UFSP2: variants seen among roughly 807,000 people sequenced by gnomAD.
The protein encoded by UFSP2 is UFM1 specific peptidase 2, also known as ufm1-specific protease 2.
UFSP2 carries 43 observed loss-of-function variants against 60.2 expected under a neutral mutation model. The ratio of observed to expected loss-of-function variants is 0.71; its 90% CI spans 0.56 to 0.92. The LOEUF is 0.92. Among genes scored for constraint, UFSP2 ranks in the 40% least tolerant of loss-of-function variants. UFSP2 has a pLI of 0.00. For missense variants in UFSP2, 520 were observed against 575.0 expected, an observed-to-expected ratio of 0.90 and a Z score of 0.98; for synonymous variants, 183 against 195.1, an observed-to-expected ratio of 0.94 and a Z score of 0.52.
At chr4:185,415,512 T>G (rs1414790703) in intron 5 of UFSP2, among the ~76,000 whole-genome samples, 165 bp from the exon 6 acceptor site, 1 of 152,228 alleles carries the variant, frequency 6.6e-6, no homozygotes. Flanking sequence ...ATTTGCTCTT[T>G]GTGGATAAAG....
At chr4:185,418,047 A>AAC (rs56260529) in intron 4 of UFSP2, among the ~76,000 whole-genome samples, 3 of 143,062 alleles carry the variant, frequency 2.1e-5, no homozygotes, top group East Asian at 2.0e-4. Context: ...TCCATCTCAA[A>AAC]ACACACACAC....
Position 185,422,188 on chromosome 4 carries a change from C to T in UFSP2, c.82+297G>A, listed in dbSNP as rs574020657. ...CAAGTCTGTCATGTACAATTCTCGA[C>T]GCACATTTACAACGTGCTCATTGTG... On this transcript the variant is annotated intron_variant, in intron 2 of 11. Coordinates refer to ENST00000264689, the MANE Select transcript of UFSP2 (RefSeq NM_018359.5). Among the ~76,000 whole-genome samples, 7 of 152,308 alleles carry T rather than the reference C, an allele frequency of 4.6e-5. No individual in the cohort carries two copies. In the South Asian group the frequency reaches 8.3e-4, roughly 18 times the overall value.
chr4:185,400,557 G>A (rs2095512094), intron 11 of UFSP2, 79 bp from the exon 12 acceptor site: 15 of 1,044,874 alleles, frequency 1.4e-5, no homozygotes, highest in Non-Finnish European at 2.2e-5. Flanking sequence ...ATCAGGCTCT[G>A]TCAGCAGGAC....
intron 9 of UFSP2, 157 bp from the exon 10 acceptor site, chr4:185,406,013 T>G: frequency 6.8e-7 from 1 of 1,464,234 alleles, no homozygotes; most frequent in South Asian, 1.2e-5. Context: ...TGAGAGCAAT[T>G]AAACTGTGCA....
intron 7 of UFSP2, among the ~76,000 whole-genome samples, chr4:185,412,802 GGCT>G (rs1438500028): frequency 1.3e-5 from 2 of 151,952 alleles, no homozygotes; most frequent in Non-Finnish European, 2.9e-5. Context: ...CTAGTCACAG[GGCT>G]GCTGTTTCTA....
chr4:185,413,682 C>T (rs1290831739), intron 7 of UFSP2, 44 bp downstream of exon 7: 2 of 1,559,932 alleles, frequency 1.3e-6, no homozygotes, highest in South Asian at 2.4e-5. Flanking sequence ...CAACTAATAA[C>T]ATTACTGATC....
intron 1 of UFSP2, 107 bp downstream of exon 1, chr4:185,425,759 T>C (rs1288813952): frequency 9.9e-6 from 15 of 1,517,750 alleles, no homozygotes; most frequent in Non-Finnish European, 1.3e-5. Context: ...GCTGCCATCT[T>C]GGACCCCGGC....
intron 4 of UFSP2, 94 bp from the exon 5 acceptor site, chr4:185,415,961 TAAG>T: frequency 8.9e-7 from 1 of 1,124,980 alleles, no homozygotes. Context: ...TATTTATTAT[TAAG>T]AAAAAAATTT....
intron 1 of UFSP2, among the ~76,000 whole-genome samples, chr4:185,425,550 T>A (rs904644131): frequency 6.6e-6 from 1 of 152,174 alleles, no homozygotes; most frequent in Non-Finnish European, 1.5e-5. Flanking sequence ...CGAAGAAAGT[T>A]GCGCCTGTCC....
intron 2 of UFSP2, 62 bp from the exon 3 acceptor site, chr4:185,418,832 A>G (rs1238265758): frequency 5.5e-6 from 7 of 1,282,074 alleles, no homozygotes; most frequent in Non-Finnish European, 7.4e-6. Flanking sequence ...GAATGGTTCC[A>G]AACATACACA....
rs534265640 is a variant in UFSP2, at chr4:185,415,929, G to C, written c.334-62C>G. Reference sequence around the variant, plus strand: ...ATTAAACACTAAATATAAAGAGTAAGTAAAAAGACTTTTCAAAAATGTATT... The same window carrying C: ...ATTAAACACTAAATATAAAGAGTAACTAAAAAGACTTTTCAAAAATGTATT... On this transcript the variant is annotated intron_variant, in intron 4 of 11. Transcript: ENST00000264689. 2.2e-5 allele frequency: 29 copies of C among 1,342,624 alleles called. No homozygotes were observed. The African/African-American group carries it at 4.1e-4, about 19-fold the overall frequency. 83.2% of individuals were successfully genotyped at this position (1,342,624 alleles called of 1,614,324 possible).
chr4:185,414,613 G>A (rs566529240), intron 6 of UFSP2, among the ~76,000 whole-genome samples: 21 of 152,208 alleles, frequency 1.4e-4, no homozygotes, highest in African/African-American at 5.1e-4. Flanking sequence ...GGTTCTAAGC[G>A]AGTCCACATA....
In UFSP2 at chr4:185,399,787, A is replaced by G. The variant is rs2095510973; in HGVS notation, c.*605T>C. On this transcript the variant is annotated 3_prime_UTR_variant, in exon 12 of 12. Transcript: ENST00000264689. ...AAGGAAGTGCTGGTAAGTAACTCAG[A>G]GCTGCTGCTTTTTTCCTCCCGCAGT... 1.2e-6 allele frequency: 2 copies of G among 1,613,650 alleles called. No homozygotes were observed. Among genetic ancestry groups the G allele is most frequent in the Non-Finnish European group, 1.7e-6 (2 of 1,179,720 alleles).
At chr4:185,418,111 A>T (rs747448574) in intron 4 of UFSP2, among the ~76,000 whole-genome samples, 1 of 149,984 alleles carries the variant, frequency 6.7e-6, no homozygotes, top group Non-Finnish European at 1.5e-5. Flanking sequence ...TAAATCATTT[A>T]CTATTTGTCT....
intron 11 of UFSP2, among the ~76,000 whole-genome samples, chr4:185,401,784 G>C (rs2095513520): frequency 6.6e-6 from 1 of 152,222 alleles, no homozygotes; most frequent in Admixed American, 6.5e-5. Flanking sequence ...GCAATTCTCA[G>C]AGAAAGAAAT....
intron 7 of UFSP2, among the ~76,000 whole-genome samples, chr4:185,413,079 C>A (rs1427692058): frequency 6.6e-6 from 1 of 152,066 alleles, no homozygotes; most frequent in East Asian, 1.9e-4. Context: ...GCCTACATGG[C>A]GGATCACTTG....
Position 185,415,361 on chromosome 4 carries a change from T to A in UFSP2, c.492-14A>T, listed in dbSNP as rs1352158394. 1 of 1,546,328 alleles carries A rather than the reference T, an allele frequency of 6.5e-7. No individual in the cohort carries two copies. The highest frequency in any genetic ancestry group is 2.3e-5 in the East Asian group (1 of 43,536). On this transcript the variant is annotated splice_polypyrimidine_tract_variant and intron_variant, in intron 5 of 11. Coordinates refer to ENST00000264689, the MANE Select transcript of UFSP2 (RefSeq NM_018359.5). Reference sequence around the variant, plus strand: ...AGTTTACGAACTCTGTGGGGGGAAATATATAAGTGTATTAACAAAAGTTAT... The same window carrying A: ...AGTTTACGAACTCTGTGGGGGGAAAAATATAAGTGTATTAACAAAAGTTAT...
At position 185,408,411 on chromosome 4, in the gene UFSP2, C is replaced by CT; in HGVS notation, c.855_856insA (p.Gly286ArgfsTer12). ...CGATCCTGCATATAATGATGATAGC[C>CT]ATATATGCCCTGGACCACATAAATC... On this transcript the variant is annotated frameshift_variant, in exon 8 of 12. Coordinates refer to ENST00000264689, the MANE Select transcript of UFSP2 (RefSeq NM_018359.5). LOFTEE classifies it high-confidence loss of function. The CT allele has an allele frequency of 6.2e-7, 1 of 1,614,040 alleles. No homozygotes were observed. The highest frequency in any genetic ancestry group is 8.5e-7 in the Non-Finnish European group (1 of 1,180,004).
In UFSP2 at chr4:185,408,032, G is replaced by T; in HGVS notation, c.1025C>A (p.Ala342Glu). ...QALVDAGDKP[A>E]TFVGSRQWIG... ...CCATTGCCGCGATCCGACAAATGTT[G>T]CTGGTTTGTCCCCGGCATCGACTAG... is the stretch of plus-strand genomic sequence containing the variant. Residue 342 changes from alanine (A) to glutamate (E), a missense_variant, in exon 9 of 12, where the codon GCA becomes GAA. By Grantham distance (107) the Ala-to-Glu change is moderately radical (BLOSUM62 -1). Coordinates refer to ENST00000264689, the MANE Select transcript of UFSP2 (RefSeq NM_018359.5). 6.2e-7 allele frequency: 1 copy of T among 1,613,778 alleles called. No homozygotes were observed. The highest frequency in any genetic ancestry group is 8.5e-7 in the Non-Finnish European group (1 of 1,179,706).
Sources: gnomAD v4.1 joint callset for allele counts (sites outside exome capture counted in the v4.1 genomes callset) on GRCh38, gnomAD v4.1.1 for gene constraint, MANE v1.5 for transcripts, NCBI Gene and HGNC (gene_info 2026-07-23, HGNC 2026-07-21) for gene names.